PLXNA2: variants seen among roughly 807,000 people sequenced by gnomAD.
PLXNA2 encodes plexin-A2.
A neutral mutation model predicts 193.5 loss-of-function variants in PLXNA2; 91 were observed. That is an observed-to-expected ratio of 0.47 (90% CI 0.40 to 0.56). The LOEUF (loss-of-function observed/expected upper bound fraction) is 0.56, where lower values mean the gene tolerates loss of function less well. PLXNA2 is among the 20% of genes least tolerant of loss of function. The probability of loss-of-function intolerance (pLI) is 0.00; values close to 1 mark genes in which losing one functional copy is unlikely to be tolerated. For synonymous variants in PLXNA2, 997 were observed against 1,027.3 expected, an observed-to-expected ratio of 0.97 and a Z score of 0.56; for missense variants, 1,995 against 2,503.2, an observed-to-expected ratio of 0.80 and a Z score of 4.33.
intron 22 of PLXNA2, 44 bp from the exon 23 acceptor site, chr1:208,040,102 G>T (rs774006047): frequency 3.1e-5 from 46 of 1,501,610 alleles, no homozygotes; most frequent in Middle Eastern, 3.4e-4. Context: ...TCACAGAGGG[G>T]TCTCCGTGGT....
At position 208,084,461 on chromosome 1, in the gene PLXNA2, A is replaced by G; in HGVS notation, c.2217T>C (p.Cys739=). Residue 739 remains cysteine, a synonymous_variant, in exon 10 of 32, where the codon TGT becomes TGC. Transcript: ENST00000367033. ...QPQSGQRGYE[C]VLNIQGAIHR... is the part of the protein sequence containing the mutation. ...GGATGGCTCCTTGTATGTTGAGGAC[A>G]CACTCATAGCCTCGCTGGCCGGACT... 6.2e-7 allele frequency: 1 copy of G among 1,614,284 alleles called. No homozygotes were observed. The highest frequency in any genetic ancestry group is 1.1e-5 in the South Asian group (1 of 91,092).
intron 1 of PLXNA2, among the ~76,000 whole-genome samples, chr1:208,242,240 A>G (rs1401900266): frequency 1.3e-5 from 2 of 152,130 alleles, no homozygotes; most frequent in African/African-American, 2.4e-5. Context: ...AAGTTTCAAG[A>G]TCTGGGAAAG....
chr1:208,128,402 G>C (rs1571947763), intron 4 of PLXNA2, among the ~76,000 whole-genome samples: 1 of 152,168 alleles, frequency 6.6e-6, no homozygotes, highest in Non-Finnish European at 1.5e-5. Flanking sequence ...CTGAGGGTTT[G>C]GCTCTCACAC....
intron 3 of PLXNA2, among the ~76,000 whole-genome samples, chr1:208,177,650 A>G (rs1669700301): frequency 6.6e-6 from 1 of 152,268 alleles, no homozygotes; most frequent in East Asian, 1.9e-4. Context: ...GTGGGAATAC[A>G]GTTCTGATGA....
intron 3 of PLXNA2, among the ~76,000 whole-genome samples, chr1:208,173,356 C>T (rs370688138): frequency 8.5e-5 from 13 of 152,300 alleles, no homozygotes; most frequent in African/African-American, 2.9e-4. Flanking sequence ...GCACTATGAG[C>T]CCCGTTTAGA....
At chr1:208,089,046 A>T (rs1179300756) in intron 9 of PLXNA2, among the ~76,000 whole-genome samples, 1 of 152,254 alleles carries the variant, frequency 6.6e-6, no homozygotes, top group Non-Finnish European at 1.5e-5. Flanking sequence ...CTGCATATAT[A>T]ATAAGTACTA....
intron 3 of PLXNA2, among the ~76,000 whole-genome samples, chr1:208,189,037 C>T (rs1670094527): frequency 6.6e-6 from 1 of 152,202 alleles, no homozygotes; most frequent in Non-Finnish European, 1.5e-5. Context: ...CCTTCTGTCT[C>T]TAACCATTCC....
At chr1:208,241,189 A>C (rs1672038691) in intron 1 of PLXNA2, among the ~76,000 whole-genome samples, 1 of 152,178 alleles carries the variant, frequency 6.6e-6, no homozygotes, top group South Asian at 2.1e-4. Context: ...TGGGAAAGGG[A>C]CCTAGGAAAC....
intron 4 of PLXNA2, among the ~76,000 whole-genome samples, chr1:208,134,039 C>T (rs1409971460): frequency 2.0e-5 from 3 of 152,140 alleles, no homozygotes; most frequent in Non-Finnish European, 4.4e-5. Context: ...AGTCTCCAAC[C>T]CCCTTGCCCA....
chr1:208,169,254 C>A (rs546559539), intron 3 of PLXNA2, among the ~76,000 whole-genome samples: 1 of 152,154 alleles, frequency 6.6e-6, no homozygotes, highest in Non-Finnish European at 1.5e-5. Context: ...GTGACAGGCA[C>A]ACGTTGTAGA....
At chr1:208,110,054 G>T (rs4240825) in intron 4 of PLXNA2, among the ~76,000 whole-genome samples, 7 of 152,224 alleles carry the variant, frequency 4.6e-5, no homozygotes, top group African/African-American at 1.7e-4. Flanking sequence ...AGTGTACTAT[G>T]CTTCCCTTGA....
chr1:208,047,898 G>A (rs1665131225), intron 17 of PLXNA2, among the ~76,000 whole-genome samples: 1 of 152,190 alleles, frequency 6.6e-6, no homozygotes, highest in Non-Finnish European at 1.5e-5. Context: ...ACACATTCCT[G>A]CCCTTTTTGT....
intron 4 of PLXNA2, among the ~76,000 whole-genome samples, chr1:208,122,445 T>C (rs761879392): frequency 2.0e-5 from 3 of 152,238 alleles, no homozygotes; most frequent in Admixed American, 1.3e-4. Flanking sequence ...TCTTAATCTA[T>C]AAAATGTGGA....
chr1:208,103,058 T>TCTCC (rs867904425), intron 5 of PLXNA2, 89 bp downstream of exon 5: 1 of 919,388 alleles, frequency 1.1e-6, no homozygotes, highest in Admixed American at 1.9e-5. Context: ...ACAATTCCTC[T>TCTCC]CTCTGCAAAG....
intron 3 of PLXNA2, among the ~76,000 whole-genome samples, chr1:208,208,288 C>T (rs1188448073): frequency 6.6e-6 from 1 of 152,222 alleles, no homozygotes; most frequent in Non-Finnish European, 1.5e-5. Context: ...GAAGATCATT[C>T]TCAGTCTCCC....
chr1:208,157,371 A>G (rs1668970011), intron 3 of PLXNA2, among the ~76,000 whole-genome samples: 1 of 152,268 alleles, frequency 6.6e-6, no homozygotes, highest in Non-Finnish European at 1.5e-5. Context: ...TTCTTTGGAA[A>G]GAAGTGAGAT....
At chr1:208,112,642 A>G (rs1406208883) in intron 4 of PLXNA2, among the ~76,000 whole-genome samples, 1 of 152,174 alleles carries the variant, frequency 6.6e-6, no homozygotes, top group Admixed American at 6.5e-5. Context: ...GACCTTGCTG[A>G]AGCCACCCGG....
chr1:208,103,324 GTACTC>G, intron 4 of PLXNA2, 77 bp from the exon 5 acceptor site: 3 of 1,136,436 alleles, frequency 2.6e-6, no homozygotes, highest in Non-Finnish European at 3.8e-6. Flanking sequence ...AGTCCTGTGT[GTACTC>G]ACACTTGCAC....
intron 4 of PLXNA2, among the ~76,000 whole-genome samples, chr1:208,137,683 G>A (rs1028506858): frequency 1.4e-4 from 21 of 152,168 alleles, no homozygotes; most frequent in Non-Finnish European, 2.6e-4. Flanking sequence ...GGGACTGGCC[G>A]GTCTTAGATC....
Sources: gnomAD v4.1 joint callset for allele counts (sites outside exome capture counted in the v4.1 genomes callset) on GRCh38, gnomAD v4.1.1 for gene constraint, MANE v1.5 for transcripts, NCBI Gene and HGNC (gene_info 2026-07-23, HGNC 2026-07-21) for gene names.